Variants in EML1 observed in about 807,000 individuals in gnomAD.
EML1 encodes the protein echinoderm microtubule-associated protein-like 1.
EML1 carries 27 observed loss-of-function variants against 110.4 expected under a neutral mutation model. The ratio of observed to expected loss-of-function variants is 0.24; its 90% CI spans 0.18 to 0.34. The LOEUF (loss-of-function observed/expected upper bound fraction) is 0.34, where lower values mean the gene tolerates loss of function less well. Among genes scored for constraint, EML1 ranks in the 10% least tolerant of loss-of-function variants. The pLI, the probability that EML1 is intolerant of heterozygous loss-of-function variation, is 1.00. For missense variants in EML1, 741 were observed against 1,030.9 expected, an observed-to-expected ratio of 0.72 and a Z score of 3.85; for synonymous variants, 344 against 385.8, an observed-to-expected ratio of 0.89 and a Z score of 1.27.
intron 1 of EML1, among the ~76,000 whole-genome samples, chr14:99,766,211 T>G (rs186990309): frequency 0.01 from 1,576 of 151,428 alleles, 19 homozygotes; most frequent in African/African-American, 0.035. Context: ...TTTTTTTTTT[T>G]TGAGACAGAG....
At chr14:99,931,791 T>C (rs369574272) in intron 17 of EML1, among the ~76,000 whole-genome samples, 21 of 152,228 alleles carry the variant, frequency 1.4e-4, no homozygotes, top group African/African-American at 4.8e-4. Context: ...TATATATTTA[T>C]GGATGAATGT....
intron 11 of EML1, 80 bp downstream of exon 11, chr14:99,909,559 T>A: frequency 6.4e-7 from 1 of 1,564,164 alleles, no homozygotes. Flanking sequence ...GGGGCTCTGG[T>A]GATCAACACA....
At chr14:99,758,780 G>T (rs1440762411) in intron 1 of EML1, among the ~76,000 whole-genome samples, 4 of 152,192 alleles carry the variant, frequency 2.6e-5, no homozygotes, top group African/African-American at 7.2e-5. Context: ...GCAACAGAAG[G>T]CTTGCTCACA....
intron 1 of EML1, among the ~76,000 whole-genome samples, chr14:99,788,041 C>T (rs1161201655): frequency 6.6e-6 from 1 of 152,090 alleles, no homozygotes; most frequent in Non-Finnish European, 1.5e-5. Context: ...ATCAGAAGCC[C>T]CTGACAGGCT....
Position 99,802,913 on chromosome 14 carries a change from A to G in EML1, c.67+9370A>G, listed in dbSNP as rs548141813. On this transcript the variant is annotated intron_variant, in intron 1 of 21. Coordinates refer to ENST00000262233, the MANE Select transcript of EML1 (RefSeq NM_004434.3). ...AATGGCCTCCTGTTTAAAAGCTGAC[A>G]GCAGCCCTCCCTCCCACTTTAGCAC... Among the ~76,000 whole-genome samples, 19 of 152,212 alleles carry G rather than the reference A, an allele frequency of 1.2e-4. No individual in the cohort carries two copies. The South Asian group carries it at 3.3e-3, about 27-fold the overall frequency.
intron 1 of EML1, among the ~76,000 whole-genome samples, chr14:99,819,362 G>A (rs1037960820): frequency 9.9e-5 from 15 of 152,142 alleles, no homozygotes; most frequent in African/African-American, 3.6e-4. Context: ...GGTCTGTAAA[G>A]GATGGTAAAA....
intron 1 of EML1, among the ~76,000 whole-genome samples, chr14:99,803,643 G>A (rs1167458900): frequency 6.6e-6 from 1 of 152,198 alleles, no homozygotes; most frequent in Non-Finnish European, 1.5e-5. Context: ...AAAGCATTTG[G>A]TGGTTTCACT....
chr14:99,800,487 G>A (rs1440958467), intron 1 of EML1, among the ~76,000 whole-genome samples: 4 of 151,946 alleles, frequency 2.6e-5, no homozygotes, highest in East Asian at 1.9e-4. Context: ...TCAGCCTCCC[G>A]AGTAGCTGGG....
chr14:99,788,124 T>C (rs535692455), intron 1 of EML1, among the ~76,000 whole-genome samples: 2 of 152,174 alleles, frequency 1.3e-5, no homozygotes, highest in Non-Finnish European at 2.9e-5. Context: ...CCCCTTGCTC[T>C]ACCCACGGCT....
intron 1 of EML1, among the ~76,000 whole-genome samples, chr14:99,846,217 G>A (rs771848235): frequency 3.3e-5 from 5 of 150,488 alleles, no homozygotes; most frequent in Non-Finnish European, 7.4e-5. Context: ...TCATGTTTCT[G>A]CGTTTTTGTT....
intron 17 of EML1, among the ~76,000 whole-genome samples, chr14:99,934,914 A>G (rs962726529): frequency 5.3e-5 from 8 of 152,240 alleles, no homozygotes; most frequent in African/African-American, 1.9e-4. Flanking sequence ...GTTTCCACAC[A>G]AGCATCGCAG....
chr14:99,809,543 C>T (rs949468967), intron 1 of EML1: 12 of 431,268 alleles, frequency 2.8e-5, no homozygotes, highest in Admixed American at 7.4e-5. Flanking sequence ...GAACCTCGGC[C>T]GTGCACTGCC....
chr14:99,923,641 C>A lies in EML1; in HGVS notation c.1909+2764C>A, dbSNP rs931428486. On this transcript the variant is annotated intron_variant, in intron 17 of 21. Coordinates refer to ENST00000262233, the MANE Select transcript of EML1 (RefSeq NM_004434.3). ...TTATTTCCGGATACTCAGTTCTGCC[C>A]CCTTCACCTGTGTTTATCCCCGATT... Among the ~76,000 whole-genome samples, 12 of 51,978 alleles carry A rather than the reference C, an allele frequency of 2.3e-4. No homozygotes were observed. The African/African-American group carries it at 5.7e-3, about 25-fold the overall frequency. The allele number at this position is 51,978 out of a possible 152,430, so 34.1% of individuals were successfully genotyped here.
chr14:99,809,894 C>G (rs1425250085), intron 1 of EML1, among the ~76,000 whole-genome samples: 1 of 152,184 alleles, frequency 6.6e-6, no homozygotes, highest in Non-Finnish European at 1.5e-5. Context: ...GGTGTATGCC[C>G]TGGACTTCCG....
chr14:99,828,147 T>C (rs960661602), intron 1 of EML1, among the ~76,000 whole-genome samples: 1 of 152,256 alleles, frequency 6.6e-6, no homozygotes, highest in African/African-American at 2.4e-5. Context: ...TTGTTTTGAA[T>C]ATTTCTGTTC....
intron 1 of EML1, among the ~76,000 whole-genome samples, chr14:99,824,527 T>C (rs1449594503): frequency 6.6e-6 from 1 of 151,396 alleles, no homozygotes; most frequent in African/African-American, 2.4e-5. Context: ...TACACACATA[T>C]ATATGTCAGT....
chr14:99,817,920 A>C (rs2058197070), intron 1 of EML1, among the ~76,000 whole-genome samples: 1 of 152,134 alleles, frequency 6.6e-6, no homozygotes, highest in Non-Finnish European at 1.5e-5. Flanking sequence ...GGTGGTGATA[A>C]GGGGTGTTTC....
chr14:99,890,007 T>C (rs2059559171), intron 4 of EML1, among the ~76,000 whole-genome samples: 1 of 152,202 alleles, frequency 6.6e-6, no homozygotes, highest in Non-Finnish European at 1.5e-5. Flanking sequence ...AGAATATTAA[T>C]ATAGAATATT....
At chr14:99,813,355 T>G (rs12898089) in intron 1 of EML1, among the ~76,000 whole-genome samples, 63,749 of 152,068 alleles carry the variant, frequency 0.42, 13,601 homozygotes, top group South Asian at 0.57. Context: ...ATAGTGTTTT[T>G]GTTGTAGAAA....
Sources: gnomAD v4.1 joint callset for allele counts (sites outside exome capture counted in the v4.1 genomes callset) on GRCh38, gnomAD v4.1.1 for gene constraint, MANE v1.5 for transcripts, NCBI Gene and HGNC (gene_info 2026-07-23, HGNC 2026-07-21) for gene names.